The following MYO9A variants were observed in gnomAD, a reference collection of about 807,000 sequenced individuals.
The protein encoded by MYO9A is unconventional myosin-IXa.
Under a neutral mutation model 293.3 loss-of-function variants are expected in MYO9A, and 103 were observed. The observed-to-expected ratio is 0.35, with a 90% CI of 0.30 to 0.41. MYO9A has a LOEUF of 0.41. Ranked by LOEUF, MYO9A falls within the 10% of genes least tolerant of loss-of-function variation. The probability of loss-of-function intolerance (pLI) is 1.00; values close to 1 mark genes in which losing one functional copy is unlikely to be tolerated. For missense variants in MYO9A, 2,685 were observed against 3,033.0 expected (o/e 0.89, Z 2.69); for synonymous variants, 1,001 against 1,035.7 (o/e 0.97, Z 0.64).
At chr15:72,117,276 AGGGGCACAT>A (rs1425175200) in intron 1 of MYO9A, 1 of 152,342 alleles carries the variant, frequency 6.6e-6, no homozygotes, top group Non-Finnish European at 1.5e-5. Context: ...GAGTAGGGCG[AGGGGCACAT>A]GGGGGACGCA....
intron 1 of MYO9A, among the ~76,000 whole-genome samples, chr15:72,086,823 A>C (rs1041204477): frequency 1.3e-5 from 2 of 151,756 alleles, no homozygotes; most frequent in African/African-American, 4.8e-5. Flanking sequence ...GCTGGAGTGC[A>C]ATGGTGCAAT....
chr15:71,947,185 G>C (rs1341947941), intron 15 of MYO9A, among the ~76,000 whole-genome samples: 1 of 151,278 alleles, frequency 6.6e-6, no homozygotes, highest in Non-Finnish European at 1.5e-5. Context: ...GGGAGGCTAA[G>C]GCATGAGAAT....
At chr15:71,904,862 A>C (rs1398518291) in intron 20 of MYO9A, 64 bp downstream of exon 20, 25 of 1,205,470 alleles carry the variant, frequency 2.1e-5, no homozygotes, top group Non-Finnish European at 3.0e-5. Context: ...TTCTGCTTAA[A>C]AGTATTTAAA....
intron 18 of MYO9A, among the ~76,000 whole-genome samples, chr15:71,921,075 T>C (rs1567272944): frequency 6.6e-6 from 1 of 152,170 alleles, no homozygotes; most frequent in African/African-American, 2.4e-5. Flanking sequence ...AACTGGACAA[T>C]GAAGCTGTCA....
In MYO9A at chr15:71,898,646, C is replaced by T. The variant is rs530922492; in HGVS notation, c.3857G>A (p.Ser1286Asn). 1.2e-6 allele frequency: 2 copies of T among 1,614,042 alleles called. No homozygotes were observed. Among genetic ancestry groups the T allele is most frequent in the East Asian group, 4.5e-5 (2 of 44,876 alleles). Residue 1286 changes from serine (S) to asparagine (N), a missense_variant, in exon 25 of 42, where the codon AGC (serine) becomes AAC (asparagine). Transcript: ENST00000356056. The stretch of plus-strand genomic sequence containing the variant: ...AGAACGAACTTTCAGCAATTCTAAG[C>T]TAAATATAGCTTGCTCTAGTTCTCT... ...RMRELEQAIF[S>N]LELLKVRSLG... is the part of the protein sequence containing the mutation.
At chr15:71,967,223 C>CAT (rs536849764) in intron 13 of MYO9A, among the ~76,000 whole-genome samples, 7 of 152,112 alleles carry the variant, frequency 4.6e-5, no homozygotes, top group Non-Finnish European at 8.8e-5. Flanking sequence ...GATACACACA[C>CAT]ATATATATAT....
At chr15:71,904,578 AG>A (rs1159798597) in intron 20 of MYO9A, among the ~76,000 whole-genome samples, 1 of 152,192 alleles carries the variant, frequency 6.6e-6, no homozygotes, top group Non-Finnish European at 1.5e-5. Flanking sequence ...GCTTGAAACC[AG>A]GAGGCGGAGA....
At chr15:72,025,798 T>A (rs1443923269) in intron 4 of MYO9A, among the ~76,000 whole-genome samples, 1 of 152,118 alleles carries the variant, frequency 6.6e-6, no homozygotes, top group East Asian at 1.9e-4. Context: ...TATATACCAA[T>A]TAGACCTAAC....
intron 2 of MYO9A, among the ~76,000 whole-genome samples, chr15:72,043,993 A>G (rs868110757): frequency 6.7e-6 from 1 of 148,616 alleles, no homozygotes; most frequent in African/African-American, 2.5e-5. Context: ...GGTGTATAAC[A>G]TGATGTTTTC....
At chr15:71,948,659 G>A (rs2058977640) in intron 15 of MYO9A, among the ~76,000 whole-genome samples, 1 of 152,128 alleles carries the variant, frequency 6.6e-6, no homozygotes, top group Non-Finnish European at 1.5e-5. Flanking sequence ...CCCTACTATA[G>A]ACCCAAGTTA....
intron 13 of MYO9A, chr15:71,960,394 G>A (rs2146993215): frequency 3.3e-6 from 1 of 305,832 alleles, no homozygotes; most frequent in Non-Finnish European, 6.1e-6. Context: ...CTCTTGCCAT[G>A]TGACACATGT....
At chr15:71,903,263 T>C (rs758825082) in intron 21 of MYO9A, among the ~76,000 whole-genome samples, 200 bp from the exon 22 acceptor site, 6 of 152,006 alleles carry the variant, frequency 3.9e-5, no homozygotes, top group Non-Finnish European at 8.8e-5. Context: ...CTACATATCA[T>C]GACATCAAAA....
At chr15:72,085,578 C>T (rs1015733062) in intron 1 of MYO9A, among the ~76,000 whole-genome samples, 1 of 152,152 alleles carries the variant, frequency 6.6e-6, no homozygotes. Flanking sequence ...ACTCCTGCAT[C>T]TCTATGATCT....
In MYO9A at chr15:72,005,902, T is replaced by C. The variant is rs1478940009; in HGVS notation, c.1380+1924A>G. 2.0e-5 allele frequency among the ~76,000 whole-genome samples: 3 copies of C among 152,128 alleles called. 1 individual carries two copies. In the South Asian group the frequency reaches 6.2e-4, roughly 32 times the overall value. ...ACATGAAGTGGCCTATGAACCAAGA[T>C]TTGGAAGATGAATAATATTTTTTAA... is the stretch of plus-strand genomic sequence containing the variant. On this transcript the variant is annotated intron_variant, in intron 8 of 41. Coordinates refer to ENST00000356056, the MANE Select transcript of MYO9A (RefSeq NM_006901.4).
At chr15:72,079,899 C>T (rs192992396) in intron 1 of MYO9A, among the ~76,000 whole-genome samples, 7 of 152,162 alleles carry the variant, frequency 4.6e-5, no homozygotes, top group African/African-American at 1.7e-4. Context: ...TATTTCTGCA[C>T]CTGTATTTAA....
chr15:71,947,707 C>T (rs747120642), intron 15 of MYO9A, among the ~76,000 whole-genome samples: 2 of 152,178 alleles, frequency 1.3e-5, no homozygotes, highest in African/African-American at 2.4e-5. Context: ...TAGGCACTGT[C>T]AGCATGGTGA....
chr15:72,035,575 A>G (rs12908241), intron 2 of MYO9A, among the ~76,000 whole-genome samples: 3,196 of 152,240 alleles, frequency 0.021, 39 homozygotes, highest in African/African-American at 0.03. Flanking sequence ...GGCCAAGGGG[A>G]CAGAACTGCT....
At chr15:72,061,768 T>C (rs989937522) in intron 1 of MYO9A, among the ~76,000 whole-genome samples, 2 of 152,082 alleles carry the variant, frequency 1.3e-5, no homozygotes, top group South Asian at 2.1e-4. Context: ...AGGGAACCTA[T>C]CTCCCTGAAG....
intron 11 of MYO9A, among the ~76,000 whole-genome samples, chr15:71,985,044 T>A (rs1446855808): frequency 1.3e-5 from 2 of 152,116 alleles, no homozygotes; most frequent in Non-Finnish European, 2.9e-5. Context: ...CTCAGCCTCT[T>A]GTATAGCTGG....
Sources: gnomAD v4.1 joint callset for allele counts (sites outside exome capture counted in the v4.1 genomes callset) on GRCh38, gnomAD v4.1.1 for gene constraint, MANE v1.5 for transcripts, NCBI Gene and HGNC (gene_info 2026-07-23, HGNC 2026-07-21) for gene names.